The following PLB1 variants were observed in gnomAD, a reference collection of about 807,000 sequenced individuals.
PLB1 encodes the protein phospholipase B1.
Under a neutral mutation model 227.4 loss-of-function variants are expected in PLB1, and 242 were observed. The observed-to-expected ratio is 1.06, with a 90% CI of 0.96 to 1.18. PLB1 has a LOEUF of 1.18. Among genes scored for constraint, PLB1 ranks in the 50% most tolerant of loss-of-function variants. The pLI is 0.00. For missense variants in PLB1, 1,858 were observed against 1,816.3 expected, an observed-to-expected ratio of 1.02 and a Z score of -0.42; for synonymous variants, 757 against 682.2, an observed-to-expected ratio of 1.11 and a Z score of -1.71.
In PLB1 at chr2:28,617,737, G is replaced by A. The variant is rs1169052995; in HGVS notation, c.3206G>A (p.Ser1069Asn). 5.0e-6 allele frequency: 8 copies of A among 1,614,048 alleles called. No homozygotes were observed. Among genetic ancestry groups the A allele is most frequent in the Middle Eastern group, 1.6e-4 (1 of 6,084 alleles). ...CTCCTGTTGATTTAGAACTGGGGCAGTGACTTCCTGTGTACAGAGTGGAAG... is the reference window on the plus strand; with the variant it reads ...CTCCTGTTGATTTAGAACTGGGGCAATGACTTCCTGTGTACAGAGTGGAAG... Reference protein sequence around the residue: ...PIKPAIENWGSDFLCTEWKAS... With the variant: ...PIKPAIENWGNDFLCTEWKAS... Residue 1069 changes from serine (S) to asparagine (N), a missense_variant, in exon 45 of 58, where the codon AGT (serine) becomes AAT (asparagine). Transcript: ENST00000327757.
Position 28,579,674 on chromosome 2 carries a change from C to T in PLB1, c.1533C>T (p.Gly511=), listed in dbSNP as rs112426230. ...GGAAGATAATAACCCTGTTTATAGGCGGCAATGACCTCTGTGATTTCTGCA... is the reference window on the plus strand; with the variant it reads ...GGAAGATAATAACCCTGTTTATAGGTGGCAATGACCTCTGTGATTTCTGCA... ...EDWKIITLFI[G]GNDLCDFCND... is the part of the protein sequence containing the mutation. The change falls in exon 23 of 58, where the codon GGC becomes GGT. Residue 511 remains glycine, a synonymous_variant. Transcript: ENST00000327757. 3.7e-4 allele frequency: 601 copies of T among 1,613,278 alleles called. 2 individuals carry two copies. The African/African-American group carries it at 5.0e-3, about 13-fold the overall frequency.
chr2:28,552,482 A>G (rs1234921914), intron 16 of PLB1, among the ~76,000 whole-genome samples: 1 of 152,250 alleles, frequency 6.6e-6, no homozygotes, highest in Non-Finnish European at 1.5e-5. Context: ...AGCATCTGCT[A>G]TGCCAGGCAC....
At chr2:28,538,741 A>G (rs1672059218) in intron 10 of PLB1, among the ~76,000 whole-genome samples, 1 of 152,050 alleles carries the variant, frequency 6.6e-6, no homozygotes, top group African/African-American at 2.4e-5. Context: ...AGGGTCTGAG[A>G]ATCAGCTGGG....
intron 17 of PLB1, among the ~76,000 whole-genome samples, chr2:28,557,735 T>G (rs1343365724): frequency 6.6e-6 from 1 of 152,210 alleles, no homozygotes; most frequent in Non-Finnish European, 1.5e-5. Context: ...CCAGATAATG[T>G]TTAGCTAATC....
intron 6 of PLB1, among the ~76,000 whole-genome samples, chr2:28,527,947 A>G (rs991950502): frequency 6.6e-6 from 1 of 152,204 alleles, no homozygotes; most frequent in African/African-American, 2.4e-5. Flanking sequence ...ACCCATGCAC[A>G]CATTCATGCT....
At chr2:28,592,117 G>A (rs560777787) in intron 31 of PLB1, among the ~76,000 whole-genome samples, 10 of 152,268 alleles carry the variant, frequency 6.6e-5, no homozygotes, top group Admixed American at 1.3e-4. Context: ...AATCACTGCC[G>A]CCTACAGTAG....
chr2:28,626,365 C>T (rs747922122), intron 50 of PLB1, 63 bp from the exon 51 acceptor site: 119 of 1,422,050 alleles, frequency 8.4e-5, no homozygotes, highest in Non-Finnish European at 1.1e-4. Flanking sequence ...CGGGCTGGCC[C>T]AGTAGCAACA....
intron 32 of PLB1, 21 bp downstream of exon 32, chr2:28,592,740 G>A (rs1682185304): frequency 6.2e-7 from 1 of 1,612,440 alleles, no homozygotes; most frequent in African/African-American, 1.3e-5. Flanking sequence ...TTGGGCCCCA[G>A]GTGGTTTGGG....
At chr2:28,576,920 C>T (rs1679056053) in intron 21 of PLB1, among the ~76,000 whole-genome samples, 1 of 152,144 alleles carries the variant, frequency 6.6e-6, no homozygotes, top group Admixed American at 6.5e-5. Flanking sequence ...GCCAGTAGGG[C>T]TAATAGATAA....
intron 38 of PLB1, 81 bp downstream of exon 38, chr2:28,602,045 G>C: frequency 7.6e-7 from 1 of 1,314,248 alleles, no homozygotes. Context: ...AATGAGAGAA[G>C]AACCCCTTTC....
rs1687786630 is a variant in PLB1 at position 28,626,422 on chromosome 2, C to T, written c.3580-6C>T. 1 of 1,613,216 alleles carries T rather than the reference C, an allele frequency of 6.2e-7. No homozygotes were observed. Among genetic ancestry groups the T allele is most frequent in the Non-Finnish European group, 8.5e-7 (1 of 1,179,278 alleles). On this transcript the variant is annotated splice_polypyrimidine_tract_variant and splice_region_variant and intron_variant, in intron 50 of 57. Transcript: ENST00000327757. ...GGCCTAAACTCAGGATCTTCTGTCC[C>T]CTCAGGACATCAACCTGGAGAAAGA... is the stretch of plus-strand genomic sequence containing the variant.
intron 4 of PLB1, among the ~76,000 whole-genome samples, chr2:28,524,097 G>A (rs1669903207): frequency 6.6e-6 from 1 of 152,188 alleles, no homozygotes; most frequent in African/African-American, 2.4e-5. Context: ...ACGTGACCTA[G>A]GTCTATAGGC....
intron 14 of PLB1, among the ~76,000 whole-genome samples, chr2:28,547,363 CAGAA>C (rs1316211708): frequency 6.6e-6 from 1 of 152,122 alleles, no homozygotes; most frequent in Non-Finnish European, 1.5e-5. Context: ...CAGAATAAAA[CAGAA>C]AGAAGCGTGG....
At chr2:28,519,581 A>T (rs1669248089) in intron 3 of PLB1, 124 bp from the exon 4 acceptor site, 2 of 697,060 alleles carry the variant, frequency 2.9e-6, no homozygotes, top group Non-Finnish European at 5.0e-6. Context: ...CATGGCCAAC[A>T]GACTGGACCT....
intron 46 of PLB1, among the ~76,000 whole-genome samples, chr2:28,618,841 GCA>G (rs970881688): frequency 2.0e-5 from 3 of 152,146 alleles, no homozygotes; most frequent in South Asian, 2.1e-4. Flanking sequence ...CTCACACATA[GCA>G]CAGTCTTGCT....
At position 28,532,147 on chromosome 2, in the gene PLB1, T is replaced by C; in HGVS notation, c.508T>C (p.Phe170Leu). The change falls in exon 9 of 58, where the codon TTC becomes CTC. Residue 170 changes from phenylalanine (F) to leucine (L), a missense_variant. Coordinates refer to ENST00000327757, the MANE Select transcript of PLB1 (RefSeq NM_153021.5). The stretch of plus-strand genomic sequence containing the variant: ...ATTTGACTGGAAGCTCATCAATGTG[T>C]TCTTCAGTAATGCAAGCCAGTGTTA... ...FQFDWKLINVFFSNASQCYLC... is the reference protein window; with the variant it reads ...FQFDWKLINVLFSNASQCYLC... 6.2e-7 allele frequency: 1 copy of C among 1,613,256 alleles called. No homozygotes were observed. Among genetic ancestry groups the C allele is most frequent in the Middle Eastern group, 1.7e-4 (1 of 6,056 alleles).
Position 28,529,347 on chromosome 2 carries a change from C to T in PLB1, c.356C>T (p.Pro119Leu). Reference sequence around the variant, plus strand: ...TCAGACATCATCAGATATTTCAGTCCTTCTGTTCCAATGCCTGTGTGCCAC... The same window carrying T: ...TCAGACATCATCAGATATTTCAGTCTTTCTGTTCCAATGCCTGTGTGCCAC... Reference protein sequence around the residue: ...VLSDIIRYFSPSVPMPVCHTG... With the variant: ...VLSDIIRYFSLSVPMPVCHTG... The change falls in exon 7 of 58, where the codon CCT becomes CTT. Residue 119 changes from proline to leucine, a missense_variant. Pro to Leu is a moderately conservative substitution (Grantham distance 98). Transcript: ENST00000327757. The T allele has an allele frequency of 3.7e-6, 6 of 1,611,654 alleles. No individual in the cohort carries two copies. Among genetic ancestry groups the T allele is most frequent in the Non-Finnish European group, 5.1e-6 (6 of 1,177,794 alleles).
intron 40 of PLB1, 81 bp downstream of exon 40, chr2:28,604,128 A>G (rs1684313905): frequency 1.5e-6 from 2 of 1,360,706 alleles, no homozygotes; most frequent in Non-Finnish European, 2.1e-6. Flanking sequence ...TAGAGGAGGC[A>G]CACAGGGAAG....
intron 49 of PLB1, among the ~76,000 whole-genome samples, chr2:28,621,595 T>G (rs967552500): frequency 6.6e-6 from 1 of 152,162 alleles, no homozygotes; most frequent in Non-Finnish European, 1.5e-5. Context: ...GCTCATTGAT[T>G]TTCTGCATGG....
Sources: gnomAD v4.1 joint callset for allele counts (sites outside exome capture counted in the v4.1 genomes callset) on GRCh38, gnomAD v4.1.1 for gene constraint, MANE v1.5 for transcripts, NCBI Gene and HGNC (gene_info 2026-07-23, HGNC 2026-07-21) for gene names.